Variants in IQCE observed in about 807,000 individuals in gnomAD.
The protein encoded by IQCE is IQ motif containing E.
A neutral mutation model predicts 96.0 loss-of-function variants in IQCE; 115 were observed. That is an observed-to-expected ratio of 1.20 (90% CI 1.03 to 1.40). The LOEUF (loss-of-function observed/expected upper bound fraction) is 1.40. Ranked by LOEUF, IQCE falls within the 40% of genes most tolerant of loss-of-function variation. IQCE has a pLI of 0.00. For synonymous variants in IQCE, 412 were observed against 371.2 expected (o/e 1.11, Z -1.26); for missense variants, 1,041 against 909.1 (o/e 1.15, Z -1.87).
chr7:2,593,117 A>T lies in IQCE; in HGVS notation c.1340A>T (p.Glu447Val). 1 of 1,610,158 alleles carries T rather than the reference A, an allele frequency of 6.2e-7. No homozygotes were observed. The highest frequency in any genetic ancestry group is 8.5e-7 in the Non-Finnish European group (1 of 1,177,106). Reference protein sequence around the residue: ...EGEEERREREEVLREEIQTLT... With the variant: ...EGEEERREREVVLREEIQTLT... ...GAGGAGGAGAGGAGAGAGCGAGAGGAGGTTTTGAGGTATGTGACCCGGGTC... is the reference window on the plus strand; with the variant it reads ...GAGGAGGAGAGGAGAGAGCGAGAGGTGGTTTTGAGGTATGTGACCCGGGTC... Residue 447 changes from glutamate to valine, a missense_variant, in exon 15 of 22, where the codon GAG (glutamate) becomes GTG (valine). Glu to Val is a moderately radical substitution (Grantham distance 121). Coordinates refer to ENST00000402050, the MANE Select transcript of IQCE (RefSeq NM_152558.5).
intron 9 of IQCE, among the ~76,000 whole-genome samples, chr7:2,583,117 A>AG (rs1782806560): frequency 2.0e-5 from 3 of 152,156 alleles, no homozygotes; most frequent in African/African-American, 7.2e-5. Flanking sequence ...AATTTTGTCA[A>AG]CTTAAGTTTG....
chr7:2,601,338 T>C (rs1372792719), intron 17 of IQCE, 103 bp from the exon 18 acceptor site: 2 of 800,804 alleles, frequency 2.5e-6, no homozygotes, highest in Admixed American at 2.4e-5. Flanking sequence ...GCCAGGCCTC[T>C]TGTTGGCTTG....
intron 18 of IQCE, among the ~76,000 whole-genome samples, chr7:2,604,125 A>G (rs1042641322): frequency 1.8e-5 from 1 of 55,846 alleles, no homozygotes; most frequent in Non-Finnish European, 3.3e-5. Context: ...AGTAGCTGGG[A>G]CTACAGGCAT....
intron 16 of IQCE, among the ~76,000 whole-genome samples, chr7:2,596,024 A>G (rs756016723): frequency 2.0e-5 from 3 of 152,244 alleles, no homozygotes; most frequent in Non-Finnish European, 4.4e-5. Flanking sequence ...CAGAAGGCAG[A>G]TGTGAGCCCA....
intron 21 of IQCE, among the ~76,000 whole-genome samples, chr7:2,609,311 CTTTTTTTTTT>C (rs58620813): frequency 7.9e-5 from 11 of 139,894 alleles, no homozygotes; most frequent in Non-Finnish European, 1.7e-4. Flanking sequence ...GGGAAGTTGG[CTTTTTTTTTT>C]TTTTTTTTGA....
intron 3 of IQCE, among the ~76,000 whole-genome samples, chr7:2,569,977 A>T (rs1354930663): frequency 6.6e-6 from 1 of 152,186 alleles, no homozygotes; most frequent in Non-Finnish European, 1.5e-5. Context: ...GATATAAAGT[A>T]AAAGGCCAGG....
At chr7:2,566,416 C>G (rs1177593082) in intron 1 of IQCE, 1 of 146,516 alleles carries the variant, frequency 6.8e-6, no homozygotes, top group Admixed American at 6.8e-5. Context: ...CAAATGCCTT[C>G]TCATTGTAAT....
chr7:2,560,008 C>A (rs1780822116), intron 1 of IQCE, among the ~76,000 whole-genome samples: 1 of 152,036 alleles, frequency 6.6e-6, no homozygotes, highest in Admixed American at 6.6e-5. Context: ...AAAACCATCA[C>A]ATTAGCCGAG....
chr7:2,613,454 C>G lies in IQCE; in HGVS notation c.*3292C>G, dbSNP rs1785182275. The G allele has an allele frequency of 1.3e-5, 2 of 152,234 alleles. No homozygotes were observed. Among genetic ancestry groups the G allele is most frequent in the African/African-American group, 4.8e-5 (2 of 41,454 alleles). The allele number at this position is 152,234 out of a possible 1,614,324, so 9.4% of individuals were successfully genotyped here. A position where few individuals can be genotyped will look rare whatever the true frequency, so the allele number is the denominator to read the frequency against. On this transcript the variant is annotated 3_prime_UTR_variant, in exon 22 of 22. Transcript: ENST00000402050. ...TTAGGAGGCCTTTGTAGGACGCTGT[C>G]TCCCCAGCGTGTCCTGCTCATCCAG...
chr7:2,600,448 G>A (rs1220737464), intron 17 of IQCE, among the ~76,000 whole-genome samples: 1 of 152,182 alleles, frequency 6.6e-6, no homozygotes, highest in Non-Finnish European at 1.5e-5. Context: ...AGCTCCCTGA[G>A]GTCTGTCCCC....
At position 2,559,008 on chromosome 7, in the gene IQCE, C is replaced by A; in HGVS notation, c.-174C>A. The A allele has an allele frequency of 2.9e-6, 1 of 350,464 alleles. No homozygotes were observed. The highest frequency in any genetic ancestry group is 5.0e-6 in the Non-Finnish European group (1 of 198,868). 21.7% of individuals were successfully genotyped at this position (350,464 alleles called of 1,614,324 possible). On this transcript the variant is annotated 5_prime_UTR_variant, in exon 1 of 22. Coordinates refer to ENST00000402050, the MANE Select transcript of IQCE (RefSeq NM_152558.5). Reference sequence around the variant, plus strand: ...ACGCGCATGGTCGCCCCAGGGGGAACGCAGGTCGCTTACCCGGCTGGGTAG... The same window carrying A: ...ACGCGCATGGTCGCCCCAGGGGGAAAGCAGGTCGCTTACCCGGCTGGGTAG...
chr7:2,578,400 G>A (rs760109352), intron 7 of IQCE, 45 bp downstream of exon 7: 33 of 1,609,922 alleles, frequency 2.0e-5, no homozygotes, highest in Non-Finnish European at 2.7e-5. Context: ...GAGGGTCCTC[G>A]GGGCAGCATC....
chr7:2,570,095 C>T (rs150096568), intron 3 of IQCE, among the ~76,000 whole-genome samples: 24 of 152,236 alleles, frequency 1.6e-4, no homozygotes, highest in African/African-American at 3.9e-4. Flanking sequence ...GTGTTTTTCT[C>T]CAAGGCCTGG....
intron 18 of IQCE, among the ~76,000 whole-genome samples, chr7:2,603,407 G>A (rs1008197726): frequency 6.6e-6 from 1 of 152,212 alleles, no homozygotes; most frequent in Admixed American, 6.5e-5. Flanking sequence ...CCAGTGAGCG[G>A]GTGAGGGGAT....
intron 1 of IQCE, among the ~76,000 whole-genome samples, chr7:2,565,720 C>CTT (rs1408968135): frequency 6.6e-6 from 1 of 152,108 alleles, no homozygotes; most frequent in Non-Finnish European, 1.5e-5. Flanking sequence ...ATACACTTTG[C>CTT]TAAAAGGAAA....
intron 11 of IQCE, among the ~76,000 whole-genome samples, chr7:2,585,089 G>A (rs931534770): frequency 2.0e-5 from 3 of 149,998 alleles, no homozygotes; most frequent in Non-Finnish European, 4.4e-5. Flanking sequence ...AGGCTGGAGT[G>A]CGGTGGTGTG....
At position 2,578,426 on chromosome 7, in the gene IQCE, CT is replaced by C. The variant is rs752548746; in HGVS notation, c.580-49del. On this transcript the variant is annotated intron_variant, in intron 7 of 21. Transcript: ENST00000402050. The stretch of plus-strand genomic sequence containing the variant: ...GGGCAGCATCTGCCAGCCAGCCCTG[CT>C]GGGGGCTACACCGAAGGCCGTCTTC... 11 of 1,591,026 alleles carry C rather than the reference CT, an allele frequency of 6.9e-6. No homozygotes were observed. The South Asian group carries it at 9.9e-5, about 14-fold the overall frequency.
At position 2,612,281 on chromosome 7, in the gene IQCE, A is replaced by G. The variant is rs559560748; in HGVS notation, c.*2119A>G. 6.6e-6 allele frequency: 1 copy of G among 152,400 alleles called. No homozygotes were observed. The highest frequency in any genetic ancestry group is 2.4e-5 in the African/African-American group (1 of 41,574). The allele number at this position is 152,400 out of a possible 1,614,324, so 9.4% of individuals were successfully genotyped here. ...GCATCCATCTTGAAGCTCGCTGGGT[A>G]AATGGCAATGCATTCTCAAGCCAGT... On this transcript the variant is annotated 3_prime_UTR_variant, in exon 22 of 22. Coordinates refer to ENST00000402050, the MANE Select transcript of IQCE (RefSeq NM_152558.5).
In IQCE at chr7:2,604,834, C is replaced by T. The variant is rs1191575598; in HGVS notation, c.1633-47C>T. The T allele has an allele frequency of 1.4e-5, 20 of 1,448,728 alleles. No individual in the cohort carries two copies. The Admixed American group carries it at 3.3e-4, about 24-fold the overall frequency. 89.7% of individuals were successfully genotyped at this position (1,448,728 alleles called of 1,614,324 possible). A position where few individuals can be genotyped will look rare whatever the true frequency, so the allele number is the denominator to read the frequency against. ...CGCCTCCCTCTCGCCCGCCGTTGCC[C>T]CGGGCACTCACACCCACTTTTCTCT... On this transcript the variant is annotated intron_variant, in intron 18 of 21. Coordinates refer to ENST00000402050, the MANE Select transcript of IQCE (RefSeq NM_152558.5).
Sources: allele counts gnomAD v4.1 joint callset (sites outside exome capture counted in the v4.1 genomes callset), GRCh38; gene constraint gnomAD v4.1.1; transcripts MANE v1.5; gene names NCBI Gene and HGNC (gene_info 2026-07-23, HGNC 2026-07-21).